GTPBP2: variants seen among roughly 807,000 people sequenced by gnomAD.
The protein encoded by GTPBP2 is GTP-binding protein 2.
In GTPBP2, 32 loss-of-function variants were observed where a neutral mutation model predicts 63.0. The observed-to-expected ratio is 0.51, with a 90% confidence interval of 0.38 to 0.68. The LOEUF is 0.68. GTPBP2 is among the 30% of genes least tolerant of loss of function. The pLI is 0.00. For synonymous variants in GTPBP2, 310 were observed against 322.6 expected, an observed-to-expected ratio of 0.96 and a Z score of 0.42; for missense variants, 492 against 796.9, an observed-to-expected ratio of 0.62 and a Z score of 4.61.
chr6:43,625,345 C>T lies in GTPBP2; in HGVS notation c.705+18G>A, dbSNP rs1288306806. 1.2e-6 allele frequency: 2 copies of T among 1,610,030 alleles called. No individual in the cohort carries two copies. The highest frequency in any genetic ancestry group is 8.5e-7 in the Non-Finnish European group (1 of 1,176,324). On this transcript the variant is annotated intron_variant, in intron 5 of 11. Coordinates refer to ENST00000307126, the MANE Select transcript of GTPBP2 (RefSeq NM_019096.5). This position sits in a 1 kb window ranked among gnomAD's most constrained non-coding sequence, Gnocchi z 5.1. ...TCCTCAGAGTCTGGCCCCATTGGGT[C>T]CCATTGATCCCATGCACCTCTCCCT...
rs35758978 is a variant in GTPBP2, at chr6:43,622,696, C to T, written c.1404G>A (p.Val468=). Residue 468 remains valine, a synonymous_variant, in exon 10 of 12, where the codon GTG becomes GTA. Transcript: ENST00000307126. The surrounding 1 kb of genome is among the most constrained non-coding windows in gnomAD (Gnocchi z 5.4). ...SIQRNRSACR[V]LRAGQAATLA... is the part of the protein sequence containing the mutation. ...GTGTAGCAGCCTGACCAGCTCGCAGCACACGACAGGCAGAGCGGTTGCGCT... is the reference window on the plus strand; with the variant it reads ...GTGTAGCAGCCTGACCAGCTCGCAGTACACGACAGGCAGAGCGGTTGCGCT... 598 of 1,614,194 alleles carry T rather than the reference C, an allele frequency of 3.7e-4. 2 individuals are homozygous for T. The African/African-American group carries it at 4.2e-3, about 11-fold the overall frequency.
At position 43,622,557 on chromosome 6, in the gene GTPBP2, A is replaced by G; in HGVS notation, c.1467+76T>C. ...TCTGAGTTTCTCTGAAGCACCTTAG[A>G]TAGGTGCTCATTCAGTAGCCAGTCT... is the stretch of plus-strand genomic sequence containing the variant. On this transcript the variant is annotated intron_variant, in intron 10 of 11. Transcript: ENST00000307126. This position sits in a 1 kb window ranked among gnomAD's most constrained non-coding sequence, Gnocchi z 5.4. 1 of 1,342,102 alleles carries G rather than the reference A, an allele frequency of 7.5e-7. No homozygotes were observed. The highest frequency in any genetic ancestry group is 1.0e-6 in the Non-Finnish European group (1 of 955,154). The allele number at this position is 1,342,102 out of a possible 1,614,324, so 83.1% of individuals were successfully genotyped here.
rs1236546112 is a variant in GTPBP2 at position 43,623,412 on chromosome 6, A to AAGAG, written c.1295+324_1295+325insCTCT. ...CTCAAAAAAAAGAAAGAAAGAAAGA[A>AAGAG]AGAAGAGTCTTAAGTGACGTCTCTC... On this transcript the variant is annotated intron_variant, in intron 9 of 11. Coordinates refer to ENST00000307126, the MANE Select transcript of GTPBP2 (RefSeq NM_019096.5). 9.4e-6 allele frequency: 3 copies of AAGAG among 318,812 alleles called. No individual in the cohort carries two copies. The Admixed American group carries it at 1.4e-4, about 15-fold the overall frequency. The allele number at this position is 318,812 out of a possible 1,614,324, so 19.7% of individuals were successfully genotyped here. A position where few individuals can be genotyped will look rare whatever the true frequency, so the allele number is the denominator to read the frequency against.
upstream of GTPBP2, chr6:43,629,540 G>C (rs866043580): frequency 1.1e-4 from 73 of 642,582 alleles, no homozygotes; most frequent in Middle Eastern, 8.2e-4. Context: ...CTAGGACTTG[G>C]GGGGAATTTA....
Position 43,624,169 on chromosome 6 carries a change from G to C in GTPBP2, c.1101-101C>G. 9.2e-7 allele frequency: 1 copy of C among 1,090,440 alleles called. No individual in the cohort carries two copies. Among genetic ancestry groups the C allele is most frequent in the Non-Finnish European group, 1.3e-6 (1 of 767,022 alleles). 67.5% of individuals were successfully genotyped at this position (1,090,440 alleles called of 1,614,324 possible). ...AAGGTGAGCTTTGTTCTGGCTGGGG[G>C]CCCCTCTCTCCTGTCTGCAAATGGC... On this transcript the variant is annotated intron_variant, in intron 7 of 11. Transcript: ENST00000307126. This position sits in a 1 kb window ranked among gnomAD's most constrained non-coding sequence, Gnocchi z 5.1.
chr6:43,625,684 C>A lies in GTPBP2; in HGVS notation c.507+72G>T. On this transcript the variant is annotated intron_variant, in intron 4 of 11. Coordinates refer to ENST00000307126, the MANE Select transcript of GTPBP2 (RefSeq NM_019096.5). The surrounding 1 kb of genome is among the most constrained non-coding windows in gnomAD (Gnocchi z 5.1). ...ACTGGAAGCCCCCAGGATCCCAGGC[C>A]AGGAGACAGCCTGCCACCACAGGGC... is the stretch of plus-strand genomic sequence containing the variant. 2.1e-6 allele frequency: 3 copies of A among 1,431,928 alleles called. No individual in the cohort carries two copies. Among genetic ancestry groups the A allele is most frequent in the Non-Finnish European group, 3.0e-6 (3 of 1,014,148 alleles). The allele number at this position is 1,431,928 out of a possible 1,614,324, so 88.7% of individuals were successfully genotyped here.
intron 1 of GTPBP2, 138 bp from the exon 2 acceptor site, chr6:43,627,086 A>T: frequency 1.3e-6 from 1 of 782,526 alleles, no homozygotes; most frequent in Non-Finnish European, 2.0e-6. Context: ...GTGCCTGTCA[A>T]AGGTCAGTGG....
At chr6:43,627,959 GC>G in intron 1 of GTPBP2, among the ~76,000 whole-genome samples, 1 of 152,156 alleles carries the variant, frequency 6.6e-6, no homozygotes, top group Non-Finnish European at 1.5e-5. Context: ...ACAGTCTAGG[GC>G]CCAGACCAAT....
rs777701552 is a variant in GTPBP2 at position 43,625,356 on chromosome 6, C to T, written c.705+7G>A. On this transcript the variant is annotated splice_region_variant and intron_variant, in intron 5 of 11. Transcript: ENST00000307126. The surrounding 1 kb of genome is among the most constrained non-coding windows in gnomAD (Gnocchi z 5.1). ...TGGCCCCATTGGGTCCCATTGATCC[C>T]ATGCACCTCTCCCTTGCTGTTAAAG... 6.2e-7 allele frequency: 1 copy of T among 1,613,264 alleles called. No homozygotes were observed. Among genetic ancestry groups the T allele is most frequent in the Non-Finnish European group, 8.5e-7 (1 of 1,179,224 alleles).
At position 43,624,737 on chromosome 6, in the gene GTPBP2, A is replaced by AT. The variant is rs1225013331; in HGVS notation, c.881-9dup. 1.9e-6 allele frequency: 3 copies of AT among 1,612,358 alleles called. No homozygotes were observed. In the East Asian group the frequency reaches 6.7e-5, roughly 36 times the overall value. ...GTTCCCTTGTGGTGCCAGCTGCCTC[A>AT]TAAGGACAGCAAGCAGCAGGAGAGA... On this transcript the variant is annotated splice_polypyrimidine_tract_variant and intron_variant, in intron 6 of 11. Transcript: ENST00000307126. The surrounding 1 kb of genome is among the most constrained non-coding windows in gnomAD (Gnocchi z 5.1).
In GTPBP2 at chr6:43,624,115, G is replaced by A. The variant is rs748330583; in HGVS notation, c.1101-47C>T. On this transcript the variant is annotated intron_variant, in intron 7 of 11. Transcript: ENST00000307126. The surrounding 1 kb of genome is among the most constrained non-coding windows in gnomAD (Gnocchi z 5.1). ...GGACAGATGAAGACAGTCCAAACAGGAGGCAGAGGCCAGAGCCCCATACAT... is the reference window on the plus strand; with the variant it reads ...GGACAGATGAAGACAGTCCAAACAGAAGGCAGAGGCCAGAGCCCCATACAT... 5.2e-6 allele frequency: 8 copies of A among 1,543,250 alleles called. No homozygotes were observed. The highest frequency in any genetic ancestry group is 7.0e-6 in the Non-Finnish European group (8 of 1,135,370).
chr6:43,623,650 A>T, intron 9 of GTPBP2, 87 bp downstream of exon 9: 1 of 982,998 alleles, frequency 1.0e-6, no homozygotes, highest in Non-Finnish European at 1.6e-6. Context: ...GTTCCGTTCA[A>T]TTCCAGGGTC....
chr6:43,628,172 T>C (rs939307438), intron 1 of GTPBP2, among the ~76,000 whole-genome samples: 2 of 152,158 alleles, frequency 1.3e-5, no homozygotes, highest in Admixed American at 6.5e-5. Context: ...GAGACCAGCC[T>C]GGCCAACATG....
chr6:43,622,589 C>T lies in GTPBP2; in HGVS notation c.1467+44G>A. 4 of 1,563,332 alleles carry T rather than the reference C, an allele frequency of 2.6e-6. No individual in the cohort carries two copies. The highest frequency in any genetic ancestry group is 3.5e-6 in the Non-Finnish European group (4 of 1,140,324). On this transcript the variant is annotated intron_variant, in intron 10 of 11. Coordinates refer to ENST00000307126, the MANE Select transcript of GTPBP2 (RefSeq NM_019096.5). This position sits in a 1 kb window ranked among gnomAD's most constrained non-coding sequence, Gnocchi z 5.4. ...CTCATTCAGTAGCCAGTCTCCTAGG[C>T]ACTTCTCTTAGCGTTCCCTCCCCAA...
Position 43,626,562 on chromosome 6 carries a change from T to G in GTPBP2, c.214-152A>C, listed in dbSNP as rs1240797511. On this transcript the variant is annotated intron_variant, in intron 2 of 11. Transcript: ENST00000307126. This position sits in a 1 kb window ranked among gnomAD's most constrained non-coding sequence, Gnocchi z 4.0. Reference sequence around the variant, plus strand: ...TCCAACAGAACGAGGTACAGAGCCCTTAACCTGAACCATATCCTTAAACTG... The same window carrying G: ...TCCAACAGAACGAGGTACAGAGCCCGTAACCTGAACCATATCCTTAAACTG... 3.2e-6 allele frequency: 2 copies of G among 632,270 alleles called. No homozygotes were observed. Among genetic ancestry groups the G allele is most frequent in the Non-Finnish European group, 5.5e-6 (2 of 362,144 alleles). 39.2% of individuals were successfully genotyped at this position (632,270 alleles called of 1,614,324 possible).
At chr6:43,630,810 GAGGC>G (rs1261814810), upstream of GTPBP2, among the ~76,000 whole-genome samples, 1 of 149,612 alleles carries the variant, frequency 6.7e-6, no homozygotes, top group Non-Finnish European at 1.5e-5. Context: ...TCGGGAGACT[GAGGC>G]AGGAGAATCG....
At chr6:43,623,179 T>C (rs904386004) in intron 9 of GTPBP2, 1 of 199,086 alleles carries the variant, frequency 5.0e-6, no homozygotes, top group Non-Finnish European at 1.0e-5. Flanking sequence ...TCACTTGAGG[T>C]CAGGAATTCA....
In GTPBP2 at chr6:43,624,610, C is replaced by T. The variant is rs1265756251; in HGVS notation, c.1000G>A (p.Glu334Lys). 1 of 1,614,152 alleles carries T rather than the reference C, an allele frequency of 6.2e-7. No homozygotes were observed. The highest frequency in any genetic ancestry group is 1.7e-5 in the Admixed American group (1 of 60,020). The change falls in exon 7 of 12, where the codon GAG becomes AAG. Residue 334 changes from glutamate to lysine, a missense_variant. Coordinates refer to ENST00000307126, the MANE Select transcript of GTPBP2 (RefSeq NM_019096.5). This position sits in a 1 kb window ranked among gnomAD's most constrained non-coding sequence, Gnocchi z 5.1. Reference sequence around the variant, plus strand: ...CAGCCAGGCTGCTTGAGGACCCGCTCCAGCTGGCGTACTGTCCTCTCCACT... The same window carrying T: ...CAGCCAGGCTGCTTGAGGACCCGCTTCAGCTGGCGTACTGTCCTCTCCACT... ...TTVERTVRQL[E>K]RVLKQPGCHK...
At chr6:43,630,649 A>G (rs1769852973), upstream of GTPBP2, among the ~76,000 whole-genome samples, 1 of 152,070 alleles carries the variant, frequency 6.6e-6, no homozygotes, top group South Asian at 2.1e-4. Context: ...AGGCTGAGGC[A>G]GGAGAATCGC....
Sources: gnomAD v4.1 joint callset for allele counts (sites outside exome capture counted in the v4.1 genomes callset) on GRCh38, gnomAD v4.1.1 for gene constraint, Gnocchi (gnomAD v3.1) non-coding constraint, MANE v1.5 for transcripts, NCBI Gene and HGNC (gene_info 2026-07-23, HGNC 2026-07-21) for gene names.